Variants in COL21A1 observed in about 807,000 individuals in gnomAD.
COL21A1 encodes collagen alpha-1(XXI) chain.
COL21A1 carries 149 observed loss-of-function variants against 137.9 expected under a neutral mutation model. That is an observed-to-expected ratio of 1.08 (90% CI 0.95 to 1.24). The LOEUF is 1.24. Among genes scored for constraint, COL21A1 ranks in the 50% most tolerant of loss-of-function variants. The pLI, the probability that COL21A1 is intolerant of heterozygous loss-of-function variation, is 0.00. For missense variants in COL21A1, 1,167 were observed against 1,158.4 expected (o/e 1.01, Z -0.11); for synonymous variants, 456 against 391.5 (o/e 1.16, Z -1.95).
chr6:56,196,647 A>C (rs1779041354), intron 1 of COL21A1, among the ~76,000 whole-genome samples: 1 of 152,142 alleles, frequency 6.6e-6, no homozygotes, highest in African/African-American at 2.4e-5. Context: ...TCAAGAATAA[A>C]TTTAACCAAG....
chr6:56,058,582 A>C (rs548115481), intron 29 of COL21A1, among the ~76,000 whole-genome samples: 12 of 152,316 alleles, frequency 7.9e-5, no homozygotes, highest in Admixed American at 7.8e-4. Flanking sequence ...AGTGTTGTTC[A>C]AAGTATTTTA....
chr6:56,158,592 G>T (rs1250146984), intron 9 of COL21A1, among the ~76,000 whole-genome samples: 1 of 151,864 alleles, frequency 6.6e-6, no homozygotes, highest in Admixed American at 6.6e-5. Context: ...TTTTTATCAA[G>T]AAATCATTCA....
intron 10 of COL21A1, among the ~76,000 whole-genome samples, chr6:56,152,687 A>T (rs537476235): frequency 1.0e-3 from 151 of 150,820 alleles, no homozygotes; most frequent in African/African-American, 3.5e-3. Flanking sequence ...TTTTTTTTTT[A>T]AACAAAGAAA....
At chr6:56,268,349 C>T (rs1763443450) in intron 1 of COL21A1, among the ~76,000 whole-genome samples, 3 of 152,110 alleles carry the variant, frequency 2.0e-5, no homozygotes, top group Non-Finnish European at 4.4e-5. Flanking sequence ...AATGAGCTTT[C>T]CCAAGACCCA....
intron 1 of COL21A1, among the ~76,000 whole-genome samples, chr6:56,269,759 A>T (rs751691334): frequency 9.9e-5 from 15 of 151,926 alleles, no homozygotes; most frequent in Non-Finnish European, 1.8e-4. Context: ...AAGCCAGAAG[A>T]GGTTGAAGGT....
At chr6:56,296,165 C>A (rs1764159415) in intron 1 of COL21A1, among the ~76,000 whole-genome samples, 1 of 151,844 alleles carries the variant, frequency 6.6e-6, no homozygotes, top group African/African-American at 2.4e-5. Flanking sequence ...TATATTTCAG[C>A]ATTAAAGTAA....
At chr6:56,337,728 T>G (rs533669995) in intron 1 of COL21A1, among the ~76,000 whole-genome samples, 2 of 152,338 alleles carry the variant, frequency 1.3e-5, no homozygotes, top group East Asian at 3.9e-4. Context: ...AAGCTTTCCT[T>G]TCTCTTCATA....
In COL21A1 at chr6:56,074,275, C is replaced by T. The variant is rs1767018741; in HGVS notation, c.1922G>A (p.Gly641Glu). Residue 641 changes from glycine (G) to glutamate (E), a missense_variant, in exon 20 of 30, where the codon GGA becomes GAA. Gly to Glu is a moderately conservative substitution (Grantham distance 98, BLOSUM62 -2). Transcript: ENST00000244728. ...KGAPGMPGLMGSNGSPGQPGT... is the reference protein window; with the variant it reads ...KGAPGMPGLMESNGSPGQPGT... The stretch of plus-strand genomic sequence containing the variant: ...AGGCTGGCCTGGTGAGCCATTGCTT[C>T]CCATTAAACCCTACAATTTTAAAAA... 2 of 1,583,910 alleles carry T rather than the reference C, an allele frequency of 1.3e-6. No individual in the cohort carries two copies. The highest frequency in any genetic ancestry group is 2.7e-5 in the African/African-American group (2 of 73,170).
At chr6:56,122,306 C>G (rs898646386) in intron 16 of COL21A1, among the ~76,000 whole-genome samples, 1 of 144,430 alleles carries the variant, frequency 6.9e-6, no homozygotes, top group Non-Finnish European at 1.5e-5. Flanking sequence ...CATGGGCATG[C>G]GGTTTCTTTT....
At chr6:56,157,812 T>C (rs998993824) in intron 9 of COL21A1, among the ~76,000 whole-genome samples, 6 of 152,240 alleles carry the variant, frequency 3.9e-5, no homozygotes, top group African/African-American at 1.4e-4. Flanking sequence ...ATTAACATAA[T>C]ATTACTATGA....
chr6:56,283,257 A>T (rs958550164), intron 1 of COL21A1, among the ~76,000 whole-genome samples: 1 of 152,042 alleles, frequency 6.6e-6, no homozygotes, highest in Non-Finnish European at 1.5e-5. Flanking sequence ...ATGTCCAACA[A>T]GGAACTGTGG....
intron 1 of COL21A1, among the ~76,000 whole-genome samples, chr6:56,193,256 C>T (rs745634619): frequency 2.6e-5 from 4 of 151,850 alleles, no homozygotes; most frequent in Admixed American, 6.6e-5. Flanking sequence ...CATTTGTATA[C>T]CTATGTAACA....
At chr6:56,186,072 A>G (rs1158286373) in intron 1 of COL21A1, among the ~76,000 whole-genome samples, 1 of 152,184 alleles carries the variant, frequency 6.6e-6, no homozygotes, top group African/African-American at 2.4e-5. Context: ...TAAATTTTCC[A>G]TTATTCTTTA....
Position 56,182,639 on chromosome 6 carries a change from A to G in COL21A1, c.-21T>C, listed in dbSNP as rs1171747881. 6.4e-7 allele frequency: 1 copy of G among 1,565,564 alleles called. No individual in the cohort carries two copies. The highest frequency in any genetic ancestry group is 8.7e-7 in the Non-Finnish European group (1 of 1,148,172). ...GCCATGTTTCTGTTTTCGTTCTAATATTTTGGTTTTAGGATTCCTAGGGGG... is the reference window on the plus strand; with the variant it reads ...GCCATGTTTCTGTTTTCGTTCTAATGTTTTGGTTTTAGGATTCCTAGGGGG... On this transcript the variant is annotated 5_prime_UTR_variant, in exon 2 of 30. Coordinates refer to ENST00000244728, the MANE Select transcript of COL21A1 (RefSeq NM_030820.4).
chr6:56,382,276 T>G (rs1220199998), intron 1 of COL21A1, among the ~76,000 whole-genome samples: 1 of 152,210 alleles, frequency 6.6e-6, no homozygotes, highest in Non-Finnish European at 1.5e-5. Context: ...TAGAAAACAT[T>G]TGTCTTTTGT....
intron 1 of COL21A1, among the ~76,000 whole-genome samples, chr6:56,230,866 T>C (rs1037545524): frequency 2.0e-5 from 3 of 151,962 alleles, no homozygotes; most frequent in African/African-American, 7.2e-5. Context: ...TCTTAACTCT[T>C]AGTTTCTATC....
chr6:56,358,926 C>T (rs1765900186), intron 1 of COL21A1, among the ~76,000 whole-genome samples: 1 of 151,642 alleles, frequency 6.6e-6, no homozygotes, highest in African/African-American at 2.4e-5. Flanking sequence ...TTTCCCTTCC[C>T]AATGGTTAAA....
chr6:56,255,943 G>C (rs1782959927), intron 1 of COL21A1, among the ~76,000 whole-genome samples: 1 of 152,168 alleles, frequency 6.6e-6, no homozygotes, highest in African/African-American at 2.4e-5. Flanking sequence ...TAGGAGGTCT[G>C]CTTGGCTTAG....
rs573704419 is a variant in COL21A1 at position 56,258,840 on chromosome 6, T to A, written c.-38-76184A>T. Among the ~76,000 whole-genome samples, 241 of 152,332 alleles carry A rather than the reference T, an allele frequency of 1.6e-3. 1 individual carries two copies. Among genetic ancestry groups the A allele is most frequent in the Middle Eastern group, 3.4e-3 (1 of 294 alleles). On this transcript the variant is annotated intron_variant, in intron 1 of 28. Coordinates refer to the COL21A1 transcript ENST00000370819. ...CATCCAAGCCAGCGTTTCTCAAATG[T>A]GTTTCACAAACACATGTCCTATGAG...
Sources: allele counts gnomAD v4.1 joint callset (sites outside exome capture counted in the v4.1 genomes callset), GRCh38; gene constraint gnomAD v4.1.1; transcripts MANE v1.5; gene names NCBI Gene and HGNC (gene_info 2026-07-23, HGNC 2026-07-21).